The following FRMD8 variants were observed in gnomAD, a reference collection of about 807,000 sequenced individuals.
The protein encoded by FRMD8 is FERM domain-containing protein 8.
In FRMD8, 37 loss-of-function variants were observed where a neutral mutation model predicts 54.2. The observed-to-expected ratio is 0.68, with a 90% CI of 0.53 to 0.90. FRMD8 has a LOEUF of 0.90. Ranked by LOEUF, FRMD8 falls within the 40% of genes least tolerant of loss-of-function variation. FRMD8 has a pLI of 0.00. For synonymous variants in FRMD8, 246 were observed against 286.9 expected, an observed-to-expected ratio of 0.86 and a Z score of 1.44; for missense variants, 585 against 653.7, an observed-to-expected ratio of 0.89 and a Z score of 1.15.
chr11:65,370,557 C>T, the FRMD8 span, among the ~76,000 whole-genome samples: 7 of 151,360 alleles, frequency 4.6e-5, no homozygotes, highest in Admixed American at 4.0e-4. Flanking sequence ...AAAAATTAGC[C>T]GGGTGTGATG....
chr11:65,394,480 G>A (rs1269853720), intron 6 of FRMD8, 55 bp downstream of exon 6: 11 of 1,524,916 alleles, frequency 7.2e-6, no homozygotes, highest in Non-Finnish European at 8.8e-7. Flanking sequence ...TTTGTCCTTG[G>A]AATGGAACTT....
chr11:65,410,022 G>A (rs189040740), intron 10 of FRMD8, among the ~76,000 whole-genome samples: 57 of 151,654 alleles, frequency 3.8e-4, no homozygotes, highest in African/African-American at 1.1e-3. Flanking sequence ...GCAGTGAGCC[G>A]TGATTGTAAC....
intron 7 of FRMD8, 71 bp downstream of exon 7, chr11:65,397,091 CAGTG>C: frequency 1.2e-6 from 1 of 834,930 alleles, no homozygotes; most frequent in Non-Finnish European, 1.8e-6. Context: ...GCACAGCTGC[CAGTG>C]AGCCCACCTC....
At chr11:65,410,680 C>T (rs374411019) in intron 10 of FRMD8, among the ~76,000 whole-genome samples, 1 of 152,118 alleles carries the variant, frequency 6.6e-6, no homozygotes, top group African/African-American at 2.4e-5. Context: ...GTCCCAGCTT[C>T]TCAGGAGGCT....
rs1267478685 is a variant in FRMD8 at position 65,404,131 on chromosome 11, C to T, written c.1072-733C>T. Among the ~76,000 whole-genome samples, 2 of 152,190 alleles carry T rather than the reference C, an allele frequency of 1.3e-5. No individual in the cohort carries two copies. The highest frequency in any genetic ancestry group is 2.9e-5 in the Non-Finnish European group (2 of 68,020). On this transcript the variant is annotated intron_variant, in intron 9 of 10. Transcript: ENST00000317568. The surrounding 1 kb of genome is among the most constrained non-coding windows in gnomAD (Gnocchi z 4.7). ...AGCCAGGCCAGTCTCCGCAGGGCCA[C>T]TCCAGCATCTGACCCAGCCCCACCA...
At chr11:65,373,825 T>A in the FRMD8 span, among the ~76,000 whole-genome samples, 1 of 152,132 alleles carries the variant, frequency 6.6e-6, no homozygotes, top group Admixed American at 6.6e-5. Context: ...TAGCCTCAAG[T>A]GGTCCTCCTG....
In FRMD8 at chr11:65,386,707, A is replaced by C; in HGVS notation, c.-55A>C. On this transcript the variant is annotated 5_prime_UTR_variant, in exon 1 of 11. Coordinates refer to ENST00000317568, the MANE Select transcript of FRMD8 (RefSeq NM_031904.5). ...GCGGTGGCGGGCTTGGCGGCGGGGC[A>C]GGATTCCAGGCAGGAGCCTTGCCTC... 3.1e-6 allele frequency: 1 copy of C among 324,232 alleles called. No homozygotes were observed. 20.1% of individuals were successfully genotyped at this position (324,232 alleles called of 1,614,324 possible). A position where few individuals can be genotyped will look rare whatever the true frequency, so the allele number is the denominator to read the frequency against.
the FRMD8 span, chr11:65,380,297 T>C: frequency 7.1e-7 from 1 of 1,401,836 alleles, no homozygotes; most frequent in Non-Finnish European, 1.0e-6. Flanking sequence ...CTCAGACACA[T>C]GCAGCCACCT....
intron 8 of FRMD8, 103 bp downstream of exon 8, chr11:65,399,962 T>G (rs1856037520): frequency 2.1e-6 from 3 of 1,398,476 alleles, no homozygotes; most frequent in Non-Finnish European, 2.9e-6. Context: ...GCAAGGTGGA[T>G]GGACTGTCTG....
chr11:65,404,746 T>C lies in FRMD8; in HGVS notation c.1072-118T>C, dbSNP rs1048696635. ...CCCTGCCTCCCTGCTCCCTCCCTCC[T>C]GAGTGATGTGTGTCCCCTCCCCTGC... is the stretch of plus-strand genomic sequence containing the variant. On this transcript the variant is annotated intron_variant, in intron 9 of 10. Transcript: ENST00000317568. This position sits in a 1 kb window ranked among gnomAD's most constrained non-coding sequence, Gnocchi z 4.7. The C allele has an allele frequency of 1.2e-6, 1 of 808,880 alleles. No homozygotes were observed. The highest frequency in any genetic ancestry group is 2.0e-6 in the Non-Finnish European group (1 of 500,828). 50.1% of individuals were successfully genotyped at this position (808,880 alleles called of 1,614,324 possible). A position where few individuals can be genotyped will look rare whatever the true frequency, so the allele number is the denominator to read the frequency against.
At chr11:65,396,211 A>G (rs947338923) in intron 6 of FRMD8, among the ~76,000 whole-genome samples, 1 of 152,174 alleles carries the variant, frequency 6.6e-6, no homozygotes, top group African/African-American at 2.4e-5. Flanking sequence ...ACCAGGCCCC[A>G]TGGGGGCCCT....
At chr11:65,381,831 T>A, upstream of FRMD8, 1 of 1,570,292 alleles carries the variant, frequency 6.4e-7, no homozygotes, top group Non-Finnish European at 8.8e-7. Context: ...GACTTTGGTC[T>A]CTGCTCCTCC....
intron 10 of FRMD8, 124 bp from the exon 11 acceptor site, chr11:65,411,118 A>C (rs953017922): frequency 2.9e-6 from 2 of 687,798 alleles, no homozygotes; most frequent in South Asian, 4.1e-5. Context: ...GGATGAGGGG[A>C]GCTCAGTCTG....
Position 65,400,920 on chromosome 11 carries a change from G to A in FRMD8, c.1071+53G>A. 6.5e-7 allele frequency: 1 copy of A among 1,538,578 alleles called. No individual in the cohort carries two copies. Among genetic ancestry groups the A allele is most frequent in the Non-Finnish European group, 8.8e-7 (1 of 1,141,896 alleles). ...TGGGGAGGCTGGGCCCAGGTGCCCT[G>A]GGTCCCAGACAATTAGAGGCACCAG... On this transcript the variant is annotated intron_variant, in intron 9 of 10. Coordinates refer to ENST00000317568, the MANE Select transcript of FRMD8 (RefSeq NM_031904.5). This position sits in a 1 kb window ranked among gnomAD's most constrained non-coding sequence, Gnocchi z 4.3.
chr11:65,379,968 G>A, the FRMD8 span: 3 of 1,613,554 alleles, frequency 1.9e-6, no homozygotes, highest in Admixed American at 1.7e-5. Flanking sequence ...AGGTAGGGTG[G>A]CGGGATGGGC....
At chr11:65,372,086 GT>G in the FRMD8 span, among the ~76,000 whole-genome samples, 1 of 151,470 alleles carries the variant, frequency 6.6e-6, no homozygotes, top group Non-Finnish European at 1.5e-5. Flanking sequence ...TAATTTTTGT[GT>G]TTTTAGTAGA....
At chr11:65,368,755 G>A in the FRMD8 span, among the ~76,000 whole-genome samples, 6 of 151,948 alleles carry the variant, frequency 3.9e-5, no homozygotes, top group Non-Finnish European at 5.9e-5. Flanking sequence ...AGTAGAGACA[G>A]GGTTTCACCA....
chr11:65,402,364 AAAAG>A (rs1024896342), intron 9 of FRMD8, among the ~76,000 whole-genome samples: 11 of 152,132 alleles, frequency 7.2e-5, no homozygotes, highest in East Asian at 1.9e-4. Flanking sequence ...AAAAAAAAAA[AAAAG>A]AAAGACATTG....
Position 65,400,726 on chromosome 11 carries a change from T to C in FRMD8, c.930T>C (p.His310=), listed in dbSNP as rs1401676738. Residue 310 remains histidine, a splice_region_variant and synonymous_variant, in exon 9 of 11, where the codon CAT becomes CAC. Transcript: ENST00000317568. The surrounding 1 kb of genome is among the most constrained non-coding windows in gnomAD (Gnocchi z 4.3). ...GVHVIDSREK[H]VLLGLRFQEL... ...GCTCTGTGTCTCCTGCTGGCCAGCATGTCCTGCTGGGCCTGCGCTTCCAGG... is the reference window on the plus strand; with the variant it reads ...GCTCTGTGTCTCCTGCTGGCCAGCACGTCCTGCTGGGCCTGCGCTTCCAGG... 1 of 1,586,916 alleles carries C rather than the reference T, an allele frequency of 6.3e-7. No individual in the cohort carries two copies. The highest frequency in any genetic ancestry group is 1.3e-5 in the African/African-American group (1 of 74,770).
Sources: gnomAD v4.1 joint callset for allele counts (sites outside exome capture counted in the v4.1 genomes callset) on GRCh38, gnomAD v4.1.1 for gene constraint, Gnocchi (gnomAD v3.1) non-coding constraint, MANE v1.5 for transcripts, NCBI Gene and HGNC (gene_info 2026-07-23, HGNC 2026-07-21) for gene names.